SEC14L2: variants seen among roughly 807,000 people sequenced by gnomAD.
SEC14L2 encodes the protein SEC14 like lipid binding 2.
SEC14L2 carries 50 observed loss-of-function variants against 56.9 expected under a neutral mutation model. The observed-to-expected ratio is 0.88, with a 90% CI of 0.70 to 1.11. The LOEUF is 1.11. SEC14L2 is among the 50% of genes most tolerant of loss of function. The pLI is 0.00. For synonymous variants in SEC14L2, 179 were observed against 188.5 expected, an observed-to-expected ratio of 0.95 and a Z score of 0.41; for missense variants, 414 against 500.7, an observed-to-expected ratio of 0.83 and a Z score of 1.65.
intron 8 of SEC14L2, among the ~76,000 whole-genome samples, chr22:30,413,212 C>T (rs555261618): frequency 2.0e-5 from 3 of 152,058 alleles, no homozygotes; most frequent in African/African-American, 7.2e-5. Flanking sequence ...GCAGAGAAAG[C>T]GAACCCAGCA....
At chr22:30,416,533 T>C in intron 11 of SEC14L2, 130 bp downstream of exon 11, 2 of 1,548,254 alleles carry the variant, frequency 1.3e-6, no homozygotes, top group Non-Finnish European at 1.7e-6. Context: ...AGTTCAATCC[T>C]CTCCTTGTAT....
chr22:30,398,261 G>A (rs1933816124), intron 1 of SEC14L2, among the ~76,000 whole-genome samples: 1 of 152,208 alleles, frequency 6.6e-6, no homozygotes, highest in Non-Finnish European at 1.5e-5. Context: ...TGGAGACCAG[G>A]GGCTGGTTAG....
chr22:30,410,834 C>A (rs1318767965), intron 8 of SEC14L2, among the ~76,000 whole-genome samples, 155 bp downstream of exon 8: 1 of 152,226 alleles, frequency 6.6e-6, no homozygotes, highest in Non-Finnish European at 1.5e-5. Flanking sequence ...GAGCTAGTGC[C>A]TTCTTCTGTT....
chr22:30,410,714 G>C lies in SEC14L2; in HGVS notation c.664+35G>C, dbSNP rs766278502. 8 of 1,591,058 alleles carry C rather than the reference G, an allele frequency of 5.0e-6. 1 individual carries two copies. In the South Asian group the frequency reaches 8.8e-5, roughly 18 times the overall value. ...CCAGACTGTTCTCAACTCCAAAGGAGGGTCTGTAGCCTAAATCGGGTCCAG... is the reference window on the plus strand; with the variant it reads ...CCAGACTGTTCTCAACTCCAAAGGACGGTCTGTAGCCTAAATCGGGTCCAG... On this transcript the variant is annotated intron_variant, in intron 8 of 11. Transcript: ENST00000615189.
chr22:30,421,401 C>T (rs533187442), intron 11 of SEC14L2: 2 of 152,390 alleles, frequency 1.3e-5, no homozygotes, highest in African/African-American at 2.4e-5. Flanking sequence ...TGTTTACATA[C>T]TGTTCTGCAA....
intron 5 of SEC14L2, 152 bp downstream of exon 5, chr22:30,407,755 G>T: frequency 1.5e-6 from 1 of 661,390 alleles, no homozygotes; most frequent in South Asian, 2.7e-5. Context: ...TTTTAGTAGA[G>T]ACGGGGTTTC....
intron 2 of SEC14L2, among the ~76,000 whole-genome samples, chr22:30,403,803 A>G (rs1569205902): frequency 6.6e-6 from 1 of 152,024 alleles, no homozygotes; most frequent in East Asian, 1.9e-4. Flanking sequence ...GGAGATCGAG[A>G]CCATCCTGGC....
chr22:30,408,329 C>T (rs1254343332), intron 5 of SEC14L2, among the ~76,000 whole-genome samples: 5 of 152,014 alleles, frequency 3.3e-5, no homozygotes, highest in Non-Finnish European at 5.9e-5. Flanking sequence ...GGTGTGGTGG[C>T]TCATGCCTGT....
At chr22:30,415,541 G>A (rs942197814) in intron 8 of SEC14L2, among the ~76,000 whole-genome samples, 1 of 152,162 alleles carries the variant, frequency 6.6e-6, no homozygotes, top group South Asian at 2.1e-4. Context: ...CCAGGGTCTC[G>A]ATTTCTGGCC....
At chr22:30,412,297 C>T (rs1363212829) in intron 8 of SEC14L2, among the ~76,000 whole-genome samples, 1 of 152,110 alleles carries the variant, frequency 6.6e-6, no homozygotes, top group Non-Finnish European at 1.5e-5. Flanking sequence ...GTGGCACATA[C>T]CAGCTACTAG....
chr22:30,397,289 C>T, intron 1 of SEC14L2, 119 bp downstream of exon 1: 1 of 935,388 alleles, frequency 1.1e-6, no homozygotes, highest in Non-Finnish European at 1.5e-6. Context: ...GCGGAGGGAA[C>T]AGAGGCGGCT....
At chr22:30,405,422 G>C (rs886110807) in intron 2 of SEC14L2, among the ~76,000 whole-genome samples, 4 of 152,180 alleles carry the variant, frequency 2.6e-5, no homozygotes, top group African/African-American at 2.4e-5. Context: ...AGTGGCCTTG[G>C]GGGTCAGTGA....
intron 2 of SEC14L2, among the ~76,000 whole-genome samples, chr22:30,402,904 C>T (rs1392825463): frequency 6.6e-6 from 1 of 151,752 alleles, no homozygotes; most frequent in East Asian, 1.9e-4. Context: ...TATAGCAAGA[C>T]CCTGCCTCTA....
chr22:30,416,191 C>T, intron 10 of SEC14L2, 43 bp from the exon 11 acceptor site: 1 of 1,609,812 alleles, frequency 6.2e-7, no homozygotes, highest in African/African-American at 1.3e-5. Context: ...GGAGAGGGCA[C>T]ACACAGACAG....
chr22:30,398,641 C>T (rs1344096412), intron 1 of SEC14L2: 7 of 462,424 alleles, frequency 1.5e-5, no homozygotes, highest in Non-Finnish European at 3.2e-5. Context: ...CTGAGTTGCC[C>T]ACCTCTCTCC....
Position 30,423,706 on chromosome 22 carries a change from C to CA in SEC14L2, c.*1302dup, listed in dbSNP as rs1934585701. 1.3e-5 allele frequency: 2 copies of CA among 152,452 alleles called. No individual in the cohort carries two copies. The highest frequency in any genetic ancestry group is 4.1e-4 in the South Asian group (2 of 4,832). 9.4% of individuals were successfully genotyped at this position (152,452 alleles called of 1,614,324 possible). ...CTTGCGAAGCTGAGGGAGCTCAGGG[C>CA]AAAGGCCAGGCTAGCGCGGACCGGA... On this transcript the variant is annotated 3_prime_UTR_variant, in exon 12 of 12. Transcript: ENST00000615189.
Position 30,399,711 on chromosome 22 carries a change from G to A in SEC14L2, c.123G>A (p.Trp41Ter). ...PNPDDYFLLR[W>*]LRARSFDLQK... ...CAGATGACTATTTTCTCCTGCGTTG[G>A]CTCCGAGGTGAGGGAAGAGGGGCTG... The change falls in exon 2 of 12, where the codon TGG (tryptophan) becomes TGA (stop). Residue 41 changes from tryptophan to a stop codon, truncating the protein, a stop_gained. Coordinates refer to ENST00000615189, the MANE Select transcript of SEC14L2 (RefSeq NM_012429.5). LOFTEE classifies it high-confidence loss of function. 1 of 1,613,414 alleles carries A rather than the reference G, an allele frequency of 6.2e-7. No homozygotes were observed. The highest frequency in any genetic ancestry group is 8.5e-7 in the Non-Finnish European group (1 of 1,179,784).
chr22:30,409,378 G>C, intron 6 of SEC14L2, 48 bp from the exon 7 acceptor site: 1 of 1,609,270 alleles, frequency 6.2e-7, no homozygotes, highest in Non-Finnish European at 8.5e-7. Flanking sequence ...GAGGCAATGG[G>C]GGCAGATTCT....
At chr22:30,399,331 A>G (rs1444696903) in intron 1 of SEC14L2, among the ~76,000 whole-genome samples, 1 of 152,016 alleles carries the variant, frequency 6.6e-6, no homozygotes, top group African/African-American at 2.4e-5. Flanking sequence ...CCTGGCTAAC[A>G]CGGTGAAACC....
Sources: allele counts gnomAD v4.1 joint callset (sites outside exome capture counted in the v4.1 genomes callset), GRCh38; gene constraint gnomAD v4.1.1; transcripts MANE v1.5; gene names NCBI Gene and HGNC (gene_info 2026-07-23, HGNC 2026-07-21).